ALPL: variants seen among roughly 807,000 people sequenced by gnomAD.
ALPL encodes the protein alkaline phosphatase, tissue-nonspecific isozyme.
ALPL carries 42 observed loss-of-function variants against 51.3 expected under a neutral mutation model. The ratio of observed to expected loss-of-function variants is 0.82; its 90% CI spans 0.64 to 1.06. ALPL has a LOEUF of 1.06. Among genes scored for constraint, ALPL ranks in the 50% least tolerant of loss-of-function variants. The pLI is 0.00. For synonymous variants in ALPL, 279 were observed against 296.4 expected, an observed-to-expected ratio of 0.94 and a Z score of 0.60; for missense variants, 589 against 709.4, an observed-to-expected ratio of 0.83 and a Z score of 1.93.
chr1:21,537,198 G>T (rs4021228), intron 1 of ALPL, among the ~76,000 whole-genome samples: 63,536 of 152,046 alleles, frequency 0.42, 14,228 homozygotes, highest in Non-Finnish European at 0.5. Flanking sequence ...GCCCGGCCAG[G>T]TTCCTTCCCT....
At chr1:21,522,166 G>A (rs1643889192) in intron 1 of ALPL, among the ~76,000 whole-genome samples, 1 of 151,730 alleles carries the variant, frequency 6.6e-6, no homozygotes, top group African/African-American at 2.4e-5. Flanking sequence ...CCACCTCCTG[G>A]GTTCACGCCA....
At chr1:21,561,666 C>CTTTTTTTTT (rs11296484) in intron 4 of ALPL, among the ~76,000 whole-genome samples, 7 of 112,390 alleles carry the variant, frequency 6.2e-5, no homozygotes, top group African/African-American at 2.0e-4. Context: ...CTATATATGC[C>CTTTTTTTTT]TTTTTTTTTT....
intron 1 of ALPL, among the ~76,000 whole-genome samples, chr1:21,514,578 G>T (rs1048097796): frequency 6.6e-6 from 1 of 152,218 alleles, no homozygotes; most frequent in African/African-American, 2.4e-5. Flanking sequence ...AGCACAGGAG[G>T]CTGTGAAGCC....
chr1:21,546,392 T>C (rs1316290963), intron 1 of ALPL, among the ~76,000 whole-genome samples: 1 of 152,118 alleles, frequency 6.6e-6, no homozygotes, highest in Non-Finnish European at 1.5e-5. Flanking sequence ...AGACAGGAAG[T>C]GTGATCAGAA....
rs766575227 is a variant in ALPL at position 21,570,292 on chromosome 1, C to A, written c.793-13C>A. ...TAGCCCCCGGCATGTGCTGACACAG[C>A]CCTTCCTCCTAGCACTCCCACTTCA... On this transcript the variant is annotated splice_polypyrimidine_tract_variant and intron_variant, in intron 7 of 11. Transcript: ENST00000374840. 6.2e-7 allele frequency: 1 copy of A among 1,613,926 alleles called. No individual in the cohort carries two copies. Among genetic ancestry groups the A allele is most frequent in the South Asian group, 1.1e-5 (1 of 91,074 alleles).
chr1:21,551,971 C>T (rs545197728), intron 1 of ALPL, among the ~76,000 whole-genome samples: 84 of 150,824 alleles, frequency 5.6e-4, no homozygotes, highest in African/African-American at 1.9e-3. Context: ...GTGATCCGCC[C>T]GCCTCGGCCT....
At chr1:21,524,862 C>T (rs748371144) in intron 1 of ALPL, among the ~76,000 whole-genome samples, 38 of 152,166 alleles carry the variant, frequency 2.5e-4, no homozygotes, top group Non-Finnish European at 4.7e-4. Context: ...GAAGGACAGG[C>T]GAAGGGGCAT....
rs1375819603 is a variant in ALPL, at chr1:21,576,619, G to A, written c.1287G>A (p.Glu429=). 7 of 1,613,774 alleles carry A rather than the reference G, an allele frequency of 4.3e-6. No individual in the cohort carries two copies. In the African/African-American group the frequency reaches 6.7e-5, roughly 15 times the overall value. Reference sequence around the variant, plus strand: ...ACAAGGTGGTGGGCGGTGAACGAGAGAATGTCTCCATGGTGGACTATGGTG... The same window carrying A: ...ACAAGGTGGTGGGCGGTGAACGAGAAAATGTCTCCATGGTGGACTATGGTG... ...PGYKVVGGER[E]NVSMVDYAHN... Residue 429 remains glutamate, a synonymous_variant, in exon 11 of 12, where the codon GAG becomes GAA. Coordinates refer to ENST00000374840, the MANE Select transcript of ALPL (RefSeq NM_000478.6).
chr1:21,524,935 C>T (rs1252177115), intron 1 of ALPL, among the ~76,000 whole-genome samples: 1 of 152,230 alleles, frequency 6.6e-6, no homozygotes, highest in South Asian at 2.1e-4. Flanking sequence ...ATTAGCCTGG[C>T]TGAGGCCTCT....
chr1:21,534,243 T>C (rs1644068603), intron 1 of ALPL, among the ~76,000 whole-genome samples: 1 of 152,228 alleles, frequency 6.6e-6, no homozygotes, highest in South Asian at 2.1e-4. Flanking sequence ...CCCAAAGTGC[T>C]GGGATTACAC....
At chr1:21,547,457 C>T (rs1172564841) in intron 1 of ALPL, among the ~76,000 whole-genome samples, 1 of 152,166 alleles carries the variant, frequency 6.6e-6, no homozygotes, top group African/African-American at 2.4e-5. Context: ...CCCTCAGCCT[C>T]CTCCTCCTGG....
chr1:21,512,676 C>T (rs192262525), intron 1 of ALPL, among the ~76,000 whole-genome samples: 189 of 152,232 alleles, frequency 1.2e-3, no homozygotes, highest in Middle Eastern at 3.4e-3. Flanking sequence ...ATATGATGCT[C>T]AGTGTCTGAA....
intron 1 of ALPL, among the ~76,000 whole-genome samples, chr1:21,548,351 G>A (rs373561848): frequency 5.3e-5 from 8 of 152,216 alleles, no homozygotes; most frequent in South Asian, 2.1e-4. Context: ...TGTCCTGAGC[G>A]GAGGCTATGG....
chr1:21,537,570 C>CA (rs1644126257), intron 1 of ALPL, among the ~76,000 whole-genome samples: 1 of 152,148 alleles, frequency 6.6e-6, no homozygotes, highest in Non-Finnish European at 1.5e-5. Context: ...CCACCCCCCC[C>CA]ACCGCCATCC....
chr1:21,519,763 C>G (rs1407402006), intron 1 of ALPL, among the ~76,000 whole-genome samples: 2 of 152,222 alleles, frequency 1.3e-5, no homozygotes, highest in East Asian at 1.9e-4. Context: ...TGCCACTGCA[C>G]TCCAACCTGA....
rs761018454 is a variant in ALPL, at chr1:21,560,606, C to T, written c.62-20C>T. The T allele has an allele frequency of 3.7e-6, 6 of 1,613,600 alleles. No homozygotes were observed. Among genetic ancestry groups the T allele is most frequent in the Middle Eastern group, 3.3e-4 (2 of 6,080 alleles). On this transcript the variant is annotated intron_variant, in intron 2 of 11. Coordinates refer to ENST00000374840, the MANE Select transcript of ALPL (RefSeq NM_000478.6). ...AGGCTATCCTTACCCCGCCAAGTAA[C>T]TGCCTCTCTCTGTGTTTAGAGAAAG...
intron 1 of ALPL, among the ~76,000 whole-genome samples, chr1:21,511,878 C>G (rs1196657443): frequency 6.6e-6 from 1 of 152,254 alleles, no homozygotes; most frequent in African/African-American, 2.4e-5. Flanking sequence ...CAGAGGCACA[C>G]AGATGCTACC....
At chr1:21,549,805 C>A (rs1256603720) in intron 1 of ALPL, among the ~76,000 whole-genome samples, 2 of 152,118 alleles carry the variant, frequency 1.3e-5, no homozygotes, top group Non-Finnish European at 2.9e-5. Flanking sequence ...ACAATAGTTC[C>A]CCAAAAAGCA....
intron 1 of ALPL, among the ~76,000 whole-genome samples, chr1:21,527,047 C>CTTTTCTTTTCTTTTTT (rs1553406582): frequency 1.0e-5 from 1 of 97,432 alleles, no homozygotes. Context: ...TCTTTTCTTT[C>CTTTTCTTTTCTTTTTT]TTGAGATGGA....
Sources: gnomAD v4.1 joint callset for allele counts (sites outside exome capture counted in the v4.1 genomes callset) on GRCh38, gnomAD v4.1.1 for gene constraint, MANE v1.5 for transcripts, NCBI Gene and HGNC (gene_info 2026-07-23, HGNC 2026-07-21) for gene names.